Variants in PCDHGA2 observed in about 807,000 individuals in gnomAD.
PCDHGA2 encodes protocadherin gamma subfamily A, 2, also known as protocadherin gamma-A2.
In PCDHGA2, 40 loss-of-function variants were observed where a neutral mutation model predicts 59.2. The observed-to-expected ratio is 0.68, with a 90% CI of 0.52 to 0.88. The LOEUF (loss-of-function observed/expected upper bound fraction) is 0.88, where lower values mean the gene tolerates loss of function less well. PCDHGA2 is among the 40% of genes least tolerant of loss of function. The pLI is 0.00. For synonymous variants in PCDHGA2, 560 were observed against 526.0 expected (o/e 1.06, Z -0.89); for missense variants, 1,226 against 1,204.0 (o/e 1.02, Z -0.27).
Position 141,340,991 on chromosome 5 carries a change from G to A in PCDHGA2, c.2020G>A (p.Asp674Asn), listed in dbSNP as rs779173739. The A allele has an allele frequency of 2.0e-5, 33 of 1,614,112 alleles. No homozygotes were observed. Among genetic ancestry groups the A allele is most frequent in the Non-Finnish European group, 2.6e-5 (31 of 1,179,996 alleles). ...CGACAGGATCCCCGACATCCTGGCC[G>A]ACCTGGGCAGCCTCGAGCCCTCCGC... ...VADRIPDILADLGSLEPSAIP... is the reference protein window; with the variant it reads ...VADRIPDILANLGSLEPSAIP... The change falls in exon 1 of 4, where the codon GAC (aspartate) becomes AAC (asparagine). Residue 674 changes from aspartate to asparagine, a missense_variant. Physicochemically the swap from Asp to Asn is conservative, Grantham distance 23 (BLOSUM62 1). Coordinates refer to ENST00000394576, the MANE Select transcript of PCDHGA2 (RefSeq NM_018915.4).
intron 1 of PCDHGA2, among the ~76,000 whole-genome samples, chr5:141,444,152 ATTTTTTTTTTTTTTTTTTTTT>A (rs747671382): frequency 8.9e-5 from 3 of 33,882 alleles, no homozygotes; most frequent in Admixed American, 3.9e-4. Context: ...TGTGTACTGG[ATTTTTTTTTTTTTTTTTTTTT>A]TTTTTTTTTT....
intron 1 of PCDHGA2, chr5:141,413,082 A>G: frequency 7.4e-7 from 1 of 1,344,446 alleles, no homozygotes; most frequent in African/African-American, 1.5e-5. Context: ...CCCAGGCTAC[A>G]GAGACACCCT....
intron 1 of PCDHGA2, chr5:141,355,053 G>A (rs1759700050): frequency 2.5e-6 from 3 of 1,205,186 alleles, no homozygotes; most frequent in Non-Finnish European, 3.4e-6. Flanking sequence ...ACAAAGCACT[G>A]GCTCTGGAGC....
At chr5:141,407,930 C>T (rs2095001418) in intron 1 of PCDHGA2, 2 of 498,880 alleles carry the variant, frequency 4.0e-6, no homozygotes, top group Non-Finnish European at 6.9e-6. Flanking sequence ...CGCACGGAGC[C>T]TCTGGGCGCC....
chr5:141,426,848 C>A (rs1379697529), intron 1 of PCDHGA2: 1 of 456,670 alleles, frequency 2.2e-6, no homozygotes, highest in Non-Finnish European at 4.4e-6. Context: ...AAGGCAAGAA[C>A]GCTCCAGAAT....
At chr5:141,376,640 T>TA in intron 1 of PCDHGA2, 1 of 1,130,380 alleles carries the variant, frequency 8.8e-7, no homozygotes, top group Non-Finnish European at 1.2e-6. Context: ...CGTGATTTTG[T>TA]AAAGTGGAAG....
At chr5:141,379,744 G>A (rs1333166422) in intron 1 of PCDHGA2, 1 of 152,052 alleles carries the variant, frequency 6.6e-6, no homozygotes, top group African/African-American at 2.4e-5. Flanking sequence ...GCTAAATGAG[G>A]TTCTTTAATC....
rs755018283 is a variant in PCDHGA2, at chr5:141,365,965, C to T, written c.2424+24570C>T. ...GTGGGAACCCTCCACTTAGCAGCAACGTGTCGCTGAGCCTGTTTGTGCTGG... is the reference window on the plus strand; with the variant it reads ...GTGGGAACCCTCCACTTAGCAGCAATGTGTCGCTGAGCCTGTTTGTGCTGG... On this transcript the variant is annotated intron_variant, in intron 1 of 3. Coordinates refer to ENST00000394576, the MANE Select transcript of PCDHGA2 (RefSeq NM_018915.4). 6 of 1,614,114 alleles carry T rather than the reference C, an allele frequency of 3.7e-6. No homozygotes were observed. The Admixed American group carries it at 8.3e-5, about 22-fold the overall frequency.
chr5:141,414,463 G>T, intron 1 of PCDHGA2: 1 of 1,613,932 alleles, frequency 6.2e-7, no homozygotes. Flanking sequence ...GACAGCCACA[G>T]ATGGGGGAAG....
At chr5:141,468,853 G>C (rs893773356) in intron 1 of PCDHGA2, among the ~76,000 whole-genome samples, 5 of 150,898 alleles carry the variant, frequency 3.3e-5, no homozygotes, top group Non-Finnish European at 7.4e-5. Flanking sequence ...GCAACAGAGC[G>C]AGACTCCATC....
intron 1 of PCDHGA2, among the ~76,000 whole-genome samples, chr5:141,474,029 C>T (rs1047673843): frequency 6.6e-6 from 1 of 152,092 alleles, no homozygotes; most frequent in Non-Finnish European, 1.5e-5. Context: ...ATGATTATTC[C>T]ACTGTACTCC....
At chr5:141,376,773 G>A (rs1773367206) in intron 1 of PCDHGA2, 1 of 400,602 alleles carries the variant, frequency 2.5e-6, no homozygotes, top group East Asian at 5.1e-5. Context: ...TGCAAGCTCC[G>A]CTTCCCGGGT....
intron 1 of PCDHGA2, chr5:141,433,024 C>A: frequency 6.2e-7 from 1 of 1,614,168 alleles, no homozygotes; most frequent in African/African-American, 1.3e-5. Flanking sequence ...CCTATTCCCA[C>A]GAGGTTTCCC....
At chr5:141,364,420 G>C (rs1763313585) in intron 1 of PCDHGA2, 1 of 1,613,554 alleles carries the variant, frequency 6.2e-7, no homozygotes. Flanking sequence ...GATCCGGGCA[G>C]ATCCGCTACT....
intron 1 of PCDHGA2, among the ~76,000 whole-genome samples, chr5:141,488,713 C>A (rs1165389103): frequency 6.6e-6 from 1 of 152,184 alleles, no homozygotes; most frequent in Non-Finnish European, 1.5e-5. Context: ...CTGGTTCAAG[C>A]AAAGTGGTGG....
At chr5:141,421,044 C>T (rs556562994) in intron 1 of PCDHGA2, 3 of 548,494 alleles carry the variant, frequency 5.5e-6, no homozygotes, top group African/African-American at 1.9e-5. Context: ...CTCCCTCCCC[C>T]GCCTCTACCA....
At chr5:141,342,454 T>C (rs1757162666) in intron 1 of PCDHGA2, 1 of 152,226 alleles carries the variant, frequency 6.6e-6, no homozygotes. Flanking sequence ...TTATTTTTAT[T>C]TGAAAATTAT....
intron 1 of PCDHGA2, chr5:141,398,456 C>A (rs1262009079): frequency 6.3e-7 from 1 of 1,590,134 alleles, no homozygotes; most frequent in Non-Finnish European, 8.6e-7. Context: ...GAGGCTGTTG[C>A]TGAAAATCCA....
chr5:141,485,151 T>G lies in PCDHGA2; in HGVS notation c.2425-9656T>G. The G allele has an allele frequency of 2.5e-6, 4 of 1,584,876 alleles. No individual in the cohort carries two copies. Among genetic ancestry groups the G allele is most frequent in the Non-Finnish European group, 3.5e-6 (4 of 1,156,528 alleles). ...GCTTCATCCGCGTCTCAGGAGCAAG[T>G]AGAGAATTAGCGGGCGGCAGCAATG... On this transcript the variant is annotated intron_variant, in intron 1 of 3. Coordinates refer to ENST00000394576, the MANE Select transcript of PCDHGA2 (RefSeq NM_018915.4). The surrounding 1 kb of genome is among the most constrained non-coding windows in gnomAD (Gnocchi z 5.7).
Sources: allele counts gnomAD v4.1 joint callset (sites outside exome capture counted in the v4.1 genomes callset), GRCh38; gene constraint gnomAD v4.1.1; non-coding constraint Gnocchi (gnomAD v3.1); transcripts MANE v1.5; gene names NCBI Gene and HGNC (gene_info 2026-07-23, HGNC 2026-07-21).